Variants in IQCJ observed in about 807,000 individuals in gnomAD.
IQCJ encodes the protein IQ motif containing J, also known as IQ domain-containing protein J.
Under a neutral mutation model 11.0 loss-of-function variants are expected in IQCJ, and 9 were observed. The observed-to-expected ratio is 0.82, with a 90% CI of 0.49 to 1.43. The LOEUF (loss-of-function observed/expected upper bound fraction) is 1.43. Among genes scored for constraint, IQCJ ranks in the 40% most tolerant of loss-of-function variants. The pLI, the probability that IQCJ is intolerant of heterozygous loss-of-function variation, is 0.00. For missense variants in IQCJ, 146 were observed against 133.2 expected (o/e 1.10, Z -0.47); for synonymous variants, 55 against 51.3 (o/e 1.07, Z -0.31).
intron 1 of IQCJ, among the ~76,000 whole-genome samples, chr3:159,117,445 A>T (rs1439067748): frequency 6.6e-6 from 1 of 152,150 alleles, no homozygotes; most frequent in Non-Finnish European, 1.5e-5. Flanking sequence ...TTTTGGCCTT[A>T]TTTCCCGTTT....
intron 1 of IQCJ, among the ~76,000 whole-genome samples, chr3:159,151,004 G>A (rs1721183291): frequency 6.6e-6 from 1 of 152,234 alleles, no homozygotes; most frequent in African/African-American, 2.4e-5. Context: ...GGTAGCCAAT[G>A]TTGGGAGTTG....
chr3:159,255,128 C>A (rs1727822241), intron 3 of IQCJ, among the ~76,000 whole-genome samples: 1 of 152,138 alleles, frequency 6.6e-6, no homozygotes, highest in Non-Finnish European at 1.5e-5. Context: ...CCACGGTCAC[C>A]CTGTATTATC....
At chr3:159,255,570 AG>A (rs1455995023) in intron 3 of IQCJ, among the ~76,000 whole-genome samples, 4 of 152,214 alleles carry the variant, frequency 2.6e-5, no homozygotes, top group Non-Finnish European at 5.9e-5. Flanking sequence ...TATCAGTGGC[AG>A]GAGGCAGAGG....
rs138574129 is a variant in IQCJ at position 159,123,966 on chromosome 3, C to T, written c.9+54525C>T. Among the ~76,000 whole-genome samples the T allele has an allele frequency of 4.0e-3, 616 of 152,274 alleles. 3 individuals carry two copies. Among genetic ancestry groups the T allele is most frequent in the Admixed American group, 8.1e-3 (124 of 15,292 alleles). On this transcript the variant is annotated intron_variant, in intron 1 of 3. Coordinates refer to ENST00000397832, the MANE Select transcript of IQCJ (RefSeq NM_001042706.3). ...CAAACTCTCAGTAGTTTTCAGGGTC[C>T]ATCACTGCCTAACCTCAACCTCTTT...
intron 1 of IQCJ, among the ~76,000 whole-genome samples, chr3:159,078,938 G>A (rs2108054120): frequency 6.6e-6 from 1 of 152,178 alleles, no homozygotes; most frequent in African/African-American, 2.4e-5. Context: ...AGATAGCAGA[G>A]GGTCAATAAA....
intron 1 of IQCJ, among the ~76,000 whole-genome samples, chr3:159,091,649 C>T (rs1419565696): frequency 7.0e-5 from 2 of 28,400 alleles, no homozygotes; most frequent in African/African-American, 1.5e-4. Flanking sequence ...GGGGTATTTA[C>T]ACACACACAC....
At chr3:159,155,421 A>T (rs1721461166) in intron 1 of IQCJ, among the ~76,000 whole-genome samples, 1 of 152,116 alleles carries the variant, frequency 6.6e-6, no homozygotes, top group Admixed American at 6.6e-5. Context: ...GCCTCCCAAA[A>T]TGTTGGGATT....
At chr3:159,084,246 A>G (rs1411702373) in intron 1 of IQCJ, among the ~76,000 whole-genome samples, 1 of 65,094 alleles carries the variant, frequency 1.5e-5, no homozygotes, top group Non-Finnish European at 3.1e-5. Flanking sequence ...ATCTAAAAAT[A>G]AGTAAAAAAA....
chr3:159,141,923 T>A (rs1047512196), intron 1 of IQCJ, among the ~76,000 whole-genome samples: 4 of 152,206 alleles, frequency 2.6e-5, no homozygotes, highest in African/African-American at 9.6e-5. Flanking sequence ...TTACTGTACT[T>A]GCAACTTTAT....
intron 1 of IQCJ, among the ~76,000 whole-genome samples, chr3:159,192,889 A>C (rs1723773295): frequency 6.6e-6 from 1 of 152,168 alleles, no homozygotes; most frequent in South Asian, 2.1e-4. Flanking sequence ...GGAAGCTTAC[A>C]AGAAGAAGGT....
chr3:159,226,926 G>A (rs532949210), intron 1 of IQCJ, among the ~76,000 whole-genome samples: 7 of 152,204 alleles, frequency 4.6e-5, no homozygotes, highest in Non-Finnish European at 1.0e-4. Context: ...GTGTCCATGT[G>A]CATGTATGTG....
chr3:159,188,787 C>A (rs1159701411), intron 1 of IQCJ, among the ~76,000 whole-genome samples: 2 of 152,110 alleles, frequency 1.3e-5, no homozygotes, highest in Admixed American at 6.5e-5. Context: ...CTAGGGTTAA[C>A]TTTACCAAAT....
At chr3:159,130,363 T>C (rs1301457737) in intron 1 of IQCJ, among the ~76,000 whole-genome samples, 1 of 152,126 alleles carries the variant, frequency 6.6e-6, no homozygotes, top group Non-Finnish European at 1.5e-5. Flanking sequence ...AGGTAGAGCT[T>C]TGACTTTCAA....
chr3:159,233,886 A>G (rs1398883528), intron 1 of IQCJ, among the ~76,000 whole-genome samples: 2 of 152,216 alleles, frequency 1.3e-5, no homozygotes, highest in African/African-American at 4.8e-5. Flanking sequence ...CATCTTACAC[A>G]TGATGAAACT....
At chr3:159,089,082 GC>G (rs1369458806) in intron 1 of IQCJ, among the ~76,000 whole-genome samples, 1 of 151,970 alleles carries the variant, frequency 6.6e-6, no homozygotes, top group Non-Finnish European at 1.5e-5. Flanking sequence ...CATGTTTAGT[GC>G]TTCCTTCAGG....
At chr3:159,220,888 T>TAA (rs1196566456) in intron 1 of IQCJ, among the ~76,000 whole-genome samples, 1 of 152,144 alleles carries the variant, frequency 6.6e-6, no homozygotes, top group Non-Finnish European at 1.5e-5. Flanking sequence ...TCCTCTGGAC[T>TAA]AAAGCTTCCA....
rs77923246 is a variant in IQCJ at position 159,237,536 on chromosome 3, TAGTC to T, written c.10-8303_10-8300del. On this transcript the variant is annotated intron_variant, in intron 1 of 3. Transcript: ENST00000397832. ...TTATAACAGTGGGAAGCCTGGGAAG[TAGTC>T]AGTAATTTTTCACCATAACAGTATA... 3.2e-3 allele frequency among the ~76,000 whole-genome samples: 493 copies of T among 152,294 alleles called. 12 individuals are homozygous for T. The East Asian group carries it at 0.076, about 23-fold the overall frequency.
chr3:159,119,108 G>A (rs1193388899), intron 1 of IQCJ, among the ~76,000 whole-genome samples: 1 of 152,196 alleles, frequency 6.6e-6, no homozygotes, highest in Non-Finnish European at 1.5e-5. Flanking sequence ...GGCTTTCCAT[G>A]GGAGCCCATT....
chr3:159,262,724 T>C lies in IQCJ; in HGVS notation c.332T>C (p.Phe111Ser). 6.2e-7 allele frequency: 1 copy of C among 1,613,112 alleles called. No homozygotes were observed. The highest frequency in any genetic ancestry group is 8.5e-7 in the Non-Finnish European group (1 of 1,179,272). The change falls in exon 4 of 4, where the codon TTC becomes TCC. Residue 111 changes from phenylalanine to serine, a missense_variant. Phe to Ser is a radical substitution (Grantham distance 155). Transcript: ENST00000397832. ...CTTTTTCTATGTCCTGACTTGACAT[T>C]CAACTGAAAGCCTAGACTTTGGTTC... ...MFLFLCPDLT[F>S]N
Sources: allele counts gnomAD v4.1 joint callset (sites outside exome capture counted in the v4.1 genomes callset), GRCh38; gene constraint gnomAD v4.1.1; transcripts MANE v1.5; gene names NCBI Gene and HGNC (gene_info 2026-07-23, HGNC 2026-07-21).